The following ABCG8 variants were observed in gnomAD, a reference collection of about 807,000 sequenced individuals.
ABCG8 encodes the protein ATP-binding cassette sub-family G member 8.
ABCG8 carries 81 observed loss-of-function variants against 71.3 expected under a neutral mutation model. The ratio of observed to expected loss-of-function variants is 1.14; its 90% CI spans 0.95 to 1.37. The LOEUF is 1.37. ABCG8 is among the 40% of genes most tolerant of loss of function. The pLI, the probability that ABCG8 is intolerant of heterozygous loss-of-function variation, is 0.00. For synonymous variants in ABCG8, 451 were observed against 354.7 expected (o/e 1.27, Z -3.05); for missense variants, 1,119 against 866.2 (o/e 1.29, Z -3.66).
intron 2 of ABCG8, among the ~76,000 whole-genome samples, chr2:43,845,769 C>A (rs1558798669): frequency 6.6e-6 from 1 of 151,994 alleles, no homozygotes; most frequent in Admixed American, 6.6e-5. Flanking sequence ...TTACAGGCAA[C>A]CACCACCATG....
At chr2:43,853,289 G>A (rs1252102419) in intron 6 of ABCG8, among the ~76,000 whole-genome samples, 4 of 152,218 alleles carry the variant, frequency 2.6e-5, no homozygotes, top group East Asian at 1.9e-4. Context: ...GCAGAGGGGG[G>A]CCCAGGGTGG....
At chr2:43,849,181 G>A (rs970470418) in intron 3 of ABCG8, among the ~76,000 whole-genome samples, 1 of 152,106 alleles carries the variant, frequency 6.6e-6, no homozygotes, top group Non-Finnish European at 1.5e-5. Flanking sequence ...ATGCCAGTGG[G>A]TGTTTTGTCT....
At chr2:43,871,326 C>G (rs1351323148) in intron 6 of ABCG8, among the ~76,000 whole-genome samples, 1 of 136,046 alleles carries the variant, frequency 7.4e-6, no homozygotes, top group Non-Finnish European at 1.6e-5. Flanking sequence ...AACTCTCACT[C>G]TCTGGATAGA....
intron 6 of ABCG8, among the ~76,000 whole-genome samples, chr2:43,869,223 G>T (rs1035656820): frequency 2.8e-5 from 4 of 141,682 alleles, no homozygotes; most frequent in African/African-American, 8.0e-5. Flanking sequence ...TACCCTCTGG[G>T]TTGAACTCTC....
chr2:43,851,270 G>C (rs1416447279), intron 3 of ABCG8, among the ~76,000 whole-genome samples: 1 of 152,252 alleles, frequency 6.6e-6, no homozygotes, highest in Non-Finnish European at 1.5e-5. Context: ...CCAGGCACCA[G>C]CTGGCCCTGT....
In ABCG8 at chr2:43,877,937, G is replaced by C. The variant is rs755147865; in HGVS notation, c.*24G>C. 1.1e-5 allele frequency: 17 copies of C among 1,613,976 alleles called. No homozygotes were observed. The highest frequency in any genetic ancestry group is 1.4e-5 in the Non-Finnish European group (16 of 1,180,018). On this transcript the variant is annotated 3_prime_UTR_variant, in exon 13 of 13. Transcript: ENST00000272286. ...GATTCACGCCAGACGTCTGCCCGCT[G>C]GTGGGGGACCTGAGCAGACCCTTCA...
intron 3 of ABCG8, 40 bp downstream of exon 3, chr2:43,846,351 T>A: frequency 6.2e-7 from 1 of 1,613,708 alleles, no homozygotes. Context: ...GTTTCTCTCC[T>A]GGGATACAGA....
At chr2:43,844,431 G>C (rs550995993) in intron 1 of ABCG8, 76 bp from the exon 2 acceptor site, 1 of 1,238,270 alleles carries the variant, frequency 8.1e-7, no homozygotes, top group African/African-American at 1.5e-5. Context: ...GCTCTCACCT[G>C]TTGGTTTCCT....
intron 6 of ABCG8, among the ~76,000 whole-genome samples, chr2:43,869,355 A>G (rs1265038134): frequency 6.6e-6 from 1 of 152,126 alleles, no homozygotes; most frequent in African/African-American, 2.4e-5. Context: ...CTCTGGATAG[A>G]ACTCTCACTA....
chr2:43,867,661 G>A (rs898710991), intron 6 of ABCG8, among the ~76,000 whole-genome samples: 2 of 145,238 alleles, frequency 1.4e-5, no homozygotes, highest in South Asian at 2.3e-4. Flanking sequence ...CTCAGTCTCT[G>A]TATAGAACTC....
chr2:43,878,637 T>C lies in ABCG8; in HGVS notation c.*724T>C, dbSNP rs1670037497. On this transcript the variant is annotated 3_prime_UTR_variant, in exon 13 of 13. Transcript: ENST00000272286. ...GAAAAGCCTTTGAGGCCTTTGGAGT[T>C]AGAGGGCAGAAGGCAAGGCCTGAGC... The C allele has an allele frequency of 6.4e-6, 1 of 155,948 alleles. No individual in the cohort carries two copies. The highest frequency in any genetic ancestry group is 1.4e-5 in the Non-Finnish European group (1 of 70,340). The allele number at this position is 155,948 out of a possible 1,614,324, so 9.7% of individuals were successfully genotyped here.
At position 43,852,410 on chromosome 2, in the gene ABCG8, C is replaced by G; in HGVS notation, c.618C>G (p.Gly206=). The G allele has an allele frequency of 6.2e-7, 1 of 1,612,554 alleles. No homozygotes were observed. ...RLRQCADTRV[G]NMYVRGLSGG... ...GGCAGTGCGCTGACACCCGCGTGGG[C>G]AACATGTACGTGCGGGGGTTGTCGG... The change falls in exon 5 of 13, where the codon GGC becomes GGG. Residue 206 remains glycine (G), a synonymous_variant. Transcript: ENST00000272286.
At chr2:43,853,888 G>A (rs185994884) in intron 6 of ABCG8, among the ~76,000 whole-genome samples, 151 of 152,248 alleles carry the variant, frequency 9.9e-4, no homozygotes, top group Non-Finnish European at 1.7e-3. Flanking sequence ...TCCCCCAGGA[G>A]GACAGGCCGC....
chr2:43,868,658 A>G (rs1360595080), intron 6 of ABCG8, among the ~76,000 whole-genome samples: 1 of 152,108 alleles, frequency 6.6e-6, no homozygotes, highest in Non-Finnish European at 1.5e-5. Flanking sequence ...CTTTCTGGAT[A>G]GAATTCTCAC....
chr2:43,846,070 T>A (rs1558799027), intron 2 of ABCG8, 85 bp from the exon 3 acceptor site: 19 of 1,490,454 alleles, frequency 1.3e-5, no homozygotes, highest in Non-Finnish European at 1.5e-5. Context: ...AGGGGCCACC[T>A]GGGGAACGAA....
chr2:43,869,045 C>T (rs1669652928), intron 6 of ABCG8, among the ~76,000 whole-genome samples: 1 of 152,100 alleles, frequency 6.6e-6, no homozygotes, highest in Non-Finnish European at 1.5e-5. Context: ...AGAATTTTCA[C>T]CATCCGGATA....
At chr2:43,875,689 G>T (rs747370472) in intron 11 of ABCG8, among the ~76,000 whole-genome samples, 1 of 152,138 alleles carries the variant, frequency 6.6e-6, no homozygotes, top group Non-Finnish European at 1.5e-5. Flanking sequence ...GGTCGATTCT[G>T]CCTCCTGTTT....
rs554837252 is a variant in ABCG8, at chr2:43,846,216, C to T, written c.227C>T (p.Thr76Ile). The stretch of plus-strand genomic sequence containing the variant: ...CTGGCTCAGTTCAAGATGCCCTGGA[C>T]ATCTCCCAGCTGCCAGAATTCTTGT... Reference protein sequence around the residue: ...EQLAQFKMPWTSPSCQNSCEL... With the variant: ...EQLAQFKMPWISPSCQNSCEL... The change falls in exon 3 of 13, where the codon ACA becomes ATA. Residue 76 changes from threonine to isoleucine, a missense_variant. Coordinates refer to ENST00000272286, the MANE Select transcript of ABCG8 (RefSeq NM_022437.3). 1.9e-6 allele frequency: 3 copies of T among 1,614,184 alleles called. No individual in the cohort carries two copies. Among genetic ancestry groups the T allele is most frequent in the Middle Eastern group, 1.7e-4 (1 of 6,036 alleles).
chr2:43,862,972 A>G (rs1456726465), intron 6 of ABCG8, among the ~76,000 whole-genome samples: 4 of 151,376 alleles, frequency 2.6e-5, no homozygotes, highest in African/African-American at 9.7e-5. Context: ...TCTGGATAGA[A>G]TTCTCACTGT....
Sources: allele counts gnomAD v4.1 joint callset (sites outside exome capture counted in the v4.1 genomes callset), GRCh38; gene constraint gnomAD v4.1.1; transcripts MANE v1.5; gene names NCBI Gene and HGNC (gene_info 2026-07-23, HGNC 2026-07-21).